Variants in EIF4G3 observed in about 807,000 individuals in gnomAD.
EIF4G3 encodes eukaryotic translation initiation factor 4 gamma 3, also known as eIF-4-gamma 3.
Under a neutral mutation model 186.4 loss-of-function variants are expected in EIF4G3, and 34 were observed. The observed-to-expected ratio is 0.18, with a 90% confidence interval of 0.14 to 0.24. The LOEUF is 0.24. EIF4G3 is among the 10% of genes least tolerant of loss of function. The pLI is 1.00. For missense variants in EIF4G3, 1,536 were observed against 1,948.5 expected (o/e 0.79, Z 3.99); for synonymous variants, 673 against 679.5 (o/e 0.99, Z 0.15).
chr1:21,014,635 C>CTTT (rs35432782), intron 4 of EIF4G3, among the ~76,000 whole-genome samples: 19 of 128,152 alleles, frequency 1.5e-4, no homozygotes, highest in African/African-American at 2.1e-4. Flanking sequence ...AGACAAACAC[C>CTTT]TTTTTTTTTT....
At chr1:20,893,801 C>T (rs185304145) in intron 17 of EIF4G3, among the ~76,000 whole-genome samples, 165 bp from the exon 18 acceptor site, 222 of 151,318 alleles carry the variant, frequency 1.5e-3, no homozygotes, top group African/African-American at 4.3e-3. Flanking sequence ...TCCTGGGCTA[C>T]TCTTAGAGCC....
chr1:21,007,161 A>G (rs2085318688), intron 4 of EIF4G3, among the ~76,000 whole-genome samples: 1 of 151,962 alleles, frequency 6.6e-6, no homozygotes, highest in South Asian at 2.1e-4. Context: ...ACTTTGGGAG[A>G]TAGAGACAGG....
chr1:20,923,321 T>C (rs1016849057), intron 14 of EIF4G3, among the ~76,000 whole-genome samples: 2 of 152,170 alleles, frequency 1.3e-5, no homozygotes, highest in African/African-American at 2.4e-5. Flanking sequence ...CATTAAGCAA[T>C]TGTCGACACT....
intron 33 of EIF4G3, among the ~76,000 whole-genome samples, chr1:20,823,947 C>A (rs2063006808): frequency 6.6e-6 from 1 of 152,172 alleles, no homozygotes. Flanking sequence ...GATGTTTCTC[C>A]AAAGAGCATT....
intron 2 of EIF4G3, among the ~76,000 whole-genome samples, chr1:21,104,594 C>A (rs774359445): frequency 6.6e-6 from 1 of 152,120 alleles, no homozygotes; most frequent in Non-Finnish European, 1.5e-5. Context: ...TGTTGCGGAG[C>A]AAAGGGAATG....
At chr1:21,130,110 G>A (rs924479184) in intron 2 of EIF4G3, among the ~76,000 whole-genome samples, 1 of 151,454 alleles carries the variant, frequency 6.6e-6, no homozygotes, top group South Asian at 2.1e-4. Flanking sequence ...CCAAGCTAGA[G>A]CCAAGTGCAG....
In EIF4G3 at chr1:20,938,846, T is replaced by C. The variant is rs556332438; in HGVS notation, c.1663+2645A>G. Among the ~76,000 whole-genome samples, 34 of 152,222 alleles carry C rather than the reference T, an allele frequency of 2.2e-4. No homozygotes were observed. In the South Asian group the frequency reaches 2.3e-3, roughly 10 times the overall value. On this transcript the variant is annotated intron_variant, in intron 14 of 36. Transcript: ENST00000602326. The stretch of plus-strand genomic sequence containing the variant: ...ACTGCTGGCCAGGTGTGGTGGCTCA[T>C]GCCTGTAATCCCAGCACTTTGGGAG...
intron 33 of EIF4G3, among the ~76,000 whole-genome samples, chr1:20,823,650 T>C (rs903212739): frequency 4.6e-5 from 7 of 152,120 alleles, no homozygotes; most frequent in East Asian, 1.9e-4. Context: ...GCTAGGATTA[T>C]AGGCATGAGC....
At chr1:21,149,725 C>G (rs1344870924) in intron 2 of EIF4G3, among the ~76,000 whole-genome samples, 3 of 152,182 alleles carry the variant, frequency 2.0e-5, no homozygotes. Flanking sequence ...GAACAGTATT[C>G]CTCACACAAG....
intron 29 of EIF4G3, among the ~76,000 whole-genome samples, chr1:20,849,046 CAAAAAAAAA>C (rs60344352): frequency 2.9e-4 from 5 of 17,400 alleles, no homozygotes; most frequent in African/African-American, 6.4e-4. Flanking sequence ...GACTCTGTCT[CAAAAAAAAA>C]AAAAAAAAAA....
chr1:20,872,521 A>T (rs1012731170), intron 20 of EIF4G3, among the ~76,000 whole-genome samples: 4 of 152,058 alleles, frequency 2.6e-5, no homozygotes, highest in African/African-American at 9.7e-5. Context: ...TGTTTCAAAA[A>T]TTTTTTAAGG....
At position 20,845,509 on chromosome 1, in the gene EIF4G3, A is replaced by G. The variant is rs1300638822; in HGVS notation, c.3888+3906T>C. 2.0e-5 allele frequency among the ~76,000 whole-genome samples: 3 copies of G among 152,168 alleles called. No individual in the cohort carries two copies. In the East Asian group the frequency reaches 5.8e-4, roughly 29 times the overall value. On this transcript the variant is annotated intron_variant, in intron 29 of 36. Transcript: ENST00000602326. ...AACCCCGTTTCTACTAAAAGTACAA[A>G]AAATTAGCCGGGCATGGTGGCGGGC...
intron 2 of EIF4G3, among the ~76,000 whole-genome samples, chr1:21,163,099 T>C (rs78809121): frequency 0.15 from 22,097 of 152,256 alleles, 2,190 homozygotes; most frequent in Non-Finnish European, 0.22. Flanking sequence ...CTGTCTACTA[T>C]GTGTAAAGGA....
intron 2 of EIF4G3, 138 bp downstream of exon 2, chr1:21,176,037 G>A (rs2098096942): frequency 3.8e-6 from 1 of 263,106 alleles, no homozygotes; most frequent in South Asian, 1.7e-4. Flanking sequence ...CTCCGCCCAA[G>A]CCCGATGCAG....
At chr1:21,109,227 T>C (rs951517373) in intron 2 of EIF4G3, among the ~76,000 whole-genome samples, 1 of 152,140 alleles carries the variant, frequency 6.6e-6, no homozygotes, top group African/African-American at 2.4e-5. Flanking sequence ...AGGAAAAAGC[T>C]ACAAGGGTTT....
chr1:20,898,019 A>G (rs2088920606), intron 16 of EIF4G3, among the ~76,000 whole-genome samples: 1 of 152,192 alleles, frequency 6.6e-6, no homozygotes, highest in Admixed American at 6.5e-5. Flanking sequence ...GGTGATGGCT[A>G]CAAGTACTCT....
Position 21,143,783 on chromosome 1 carries a change from G to A in EIF4G3, c.-272+32392C>T, listed in dbSNP as rs147689999. 1.6e-3 allele frequency among the ~76,000 whole-genome samples: 248 copies of A among 152,302 alleles called. 3 individuals are homozygous for A. Among genetic ancestry groups the A allele is most frequent in the African/African-American group, 5.5e-3 (229 of 41,558 alleles). ...AAAATATTTTTTAAATTACCTGGGT[G>A]TGGTGGCATGTGCCTGTAGTCCCAG... On this transcript the variant is annotated intron_variant, in intron 2 of 36. Coordinates refer to ENST00000602326, the MANE Select transcript of EIF4G3 (RefSeq NM_001391906.1).
chr1:21,074,427 A>C lies in EIF4G3; in HGVS notation c.-196+14711T>G, dbSNP rs147581576. On this transcript the variant is annotated intron_variant, in intron 3 of 36. Transcript: ENST00000602326. ...AAACATTATAAGAATGCCTAACATTATGAAAATATCTAAATGCTATCATCT... is the reference window on the plus strand; with the variant it reads ...AAACATTATAAGAATGCCTAACATTCTGAAAATATCTAAATGCTATCATCT... 6.1e-4 allele frequency among the ~76,000 whole-genome samples: 93 copies of C among 152,378 alleles called. 2 individuals carry two copies. The East Asian group carries it at 0.017, about 28-fold the overall frequency.
rs1251719285 is a variant in EIF4G3 at position 20,810,772 on chromosome 1, T to C, written c.4710A>G (p.Leu1570=). ...GATCAAGTTTTACTATCGATGCTTG[T>C]AGTGCATAAAGTGCTTGCAGTTCCT... ...TEKELQALYA[L]QASIVKLDQP... Residue 1570 remains leucine (L), a synonymous_variant, in exon 36 of 37, where the codon CTA becomes CTG. Coordinates refer to ENST00000602326, the MANE Select transcript of EIF4G3 (RefSeq NM_001391906.1). The surrounding 1 kb of genome is among the most constrained non-coding windows in gnomAD (Gnocchi z 4.1). 2 of 1,614,140 alleles carry C rather than the reference T, an allele frequency of 1.2e-6. No homozygotes were observed. Among genetic ancestry groups the C allele is most frequent in the South Asian group, 1.1e-5 (1 of 91,088 alleles).
Sources: allele counts gnomAD v4.1 joint callset (sites outside exome capture counted in the v4.1 genomes callset), GRCh38; gene constraint gnomAD v4.1.1; non-coding constraint Gnocchi (gnomAD v3.1); transcripts MANE v1.5; gene names NCBI Gene and HGNC (gene_info 2026-07-23, HGNC 2026-07-21).